The following EDIL3 variants were observed in gnomAD, a reference collection of about 807,000 sequenced individuals.
The protein encoded by EDIL3 is EGF like and discoidin domains 3.
EDIL3 carries 37 observed loss-of-function variants against 67.4 expected under a neutral mutation model. That is an observed-to-expected ratio of 0.55 (90% CI 0.42 to 0.72). EDIL3 has a LOEUF of 0.72. Ranked by LOEUF, EDIL3 falls within the 30% of genes least tolerant of loss-of-function variation. The pLI is 0.00. For synonymous variants in EDIL3, 195 were observed against 196.3 expected (o/e 0.99, Z 0.05); for missense variants, 527 against 586.3 (o/e 0.90, Z 1.04).
intron 9 of EDIL3, among the ~76,000 whole-genome samples, chr5:84,025,083 C>G (rs1745788015): frequency 6.6e-6 from 1 of 152,070 alleles, no homozygotes; most frequent in African/African-American, 2.4e-5. Context: ...GATTATGTCC[C>G]CACCCTTAAA....
At chr5:84,290,438 C>A (rs1157931719) in intron 1 of EDIL3, among the ~76,000 whole-genome samples, 1 of 152,166 alleles carries the variant, frequency 6.6e-6, no homozygotes, top group African/African-American at 2.4e-5. Context: ...ATCTCTAATA[C>A]TTGAGATACT....
intron 1 of EDIL3, among the ~76,000 whole-genome samples, chr5:84,281,733 A>G (rs6452564): frequency 0.61 from 92,007 of 151,960 alleles, 28,124 homozygotes; most frequent in East Asian, 0.82. Context: ...CAGGCAGTCC[A>G]AATACTTATT....
intron 1 of EDIL3, among the ~76,000 whole-genome samples, chr5:84,381,920 C>A (rs751732219): frequency 6.6e-6 from 1 of 152,058 alleles, no homozygotes; most frequent in Non-Finnish European, 1.5e-5. Flanking sequence ...AAATTGCAAC[C>A]CATACGTAGG....
At chr5:84,148,920 G>C (rs1329502214) in intron 4 of EDIL3, among the ~76,000 whole-genome samples, 1 of 150,304 alleles carries the variant, frequency 6.7e-6, no homozygotes, top group African/African-American at 2.4e-5. Context: ...CATAGTAAAA[G>C]GGACCAGAAT....
At position 84,014,673 on chromosome 5, in the gene EDIL3, G is replaced by A. The variant is rs551988200; in HGVS notation, c.1137+45627C>T. Among the ~76,000 whole-genome samples the A allele has an allele frequency of 3.3e-5, 5 of 151,256 alleles. No homozygotes were observed. In the South Asian group the frequency reaches 8.4e-4, roughly 25 times the overall value. Reference sequence around the variant, plus strand: ...AAACAAACAAACAAACAAACAAAAAGTCTTTGATCATATTTGTAACTAAAA... The same window carrying A: ...AAACAAACAAACAAACAAACAAAAAATCTTTGATCATATTTGTAACTAAAA... On this transcript the variant is annotated intron_variant, in intron 9 of 10. Coordinates refer to ENST00000296591, the MANE Select transcript of EDIL3 (RefSeq NM_005711.5).
intron 1 of EDIL3, among the ~76,000 whole-genome samples, chr5:84,374,670 G>C (rs1747929124): frequency 6.6e-6 from 1 of 152,174 alleles, no homozygotes; most frequent in Admixed American, 6.5e-5. Flanking sequence ...CCCATGTGTT[G>C]AGGGAGGGAC....
At chr5:84,366,121 T>C (rs1747728516) in intron 1 of EDIL3, among the ~76,000 whole-genome samples, 2 of 151,698 alleles carry the variant, frequency 1.3e-5, no homozygotes, top group Non-Finnish European at 1.5e-5. Flanking sequence ...TGCCAAAAAG[T>C]AAAAAAATAT....
At chr5:84,353,306 C>T (rs920063639) in intron 1 of EDIL3, among the ~76,000 whole-genome samples, 1 of 152,112 alleles carries the variant, frequency 6.6e-6, no homozygotes, top group African/African-American at 2.4e-5. Flanking sequence ...AGTATCAGCA[C>T]TGGCAGAAAG....
chr5:84,238,913 C>T (rs961142739), intron 2 of EDIL3, among the ~76,000 whole-genome samples: 1 of 151,980 alleles, frequency 6.6e-6, no homozygotes, highest in African/African-American at 2.4e-5. Flanking sequence ...TGGGCCCACA[C>T]CACATTTTTC....
chr5:84,384,049 T>C (rs1040535085), intron 1 of EDIL3, among the ~76,000 whole-genome samples: 6 of 152,066 alleles, frequency 3.9e-5, no homozygotes, highest in Non-Finnish European at 8.8e-5. Flanking sequence ...CGCTGTCTTC[T>C]ACCGCTCCCC....
At chr5:84,239,911 A>G (rs937492919) in intron 2 of EDIL3, among the ~76,000 whole-genome samples, 3 of 152,202 alleles carry the variant, frequency 2.0e-5, no homozygotes, top group Non-Finnish European at 4.4e-5. Context: ...GTCCAAAACT[A>G]GTGTCCATCC....
intron 6 of EDIL3, among the ~76,000 whole-genome samples, chr5:84,077,788 T>C (rs1746887596): frequency 6.6e-6 from 1 of 152,114 alleles, no homozygotes; most frequent in African/African-American, 2.4e-5. Flanking sequence ...TCTTTCTTCC[T>C]CTTCCCCTCC....
intron 1 of EDIL3, among the ~76,000 whole-genome samples, chr5:84,349,240 G>T (rs1467788440): frequency 6.6e-6 from 1 of 152,196 alleles, no homozygotes; most frequent in Non-Finnish European, 1.5e-5. Context: ...GGCTTGTGCT[G>T]TAGAAACTTC....
At chr5:84,065,785 A>C (rs192538686) in intron 7 of EDIL3, among the ~76,000 whole-genome samples, 1 of 152,150 alleles carries the variant, frequency 6.6e-6, no homozygotes, top group Non-Finnish European at 1.5e-5. Flanking sequence ...CTTTTAAGAA[A>C]ATAGTTTTCA....
chr5:84,092,254 T>C (rs1313954277), intron 6 of EDIL3, among the ~76,000 whole-genome samples: 1 of 152,214 alleles, frequency 6.6e-6, no homozygotes, highest in African/African-American at 2.4e-5. Flanking sequence ...TCCATTTCAC[T>C]GTACCATATC....
intron 9 of EDIL3, among the ~76,000 whole-genome samples, chr5:83,991,963 T>A (rs577408502): frequency 6.6e-6 from 1 of 152,266 alleles, no homozygotes; most frequent in East Asian, 1.9e-4. Context: ...CTGGAATCAA[T>A]CAGTTGGCCA....
At position 84,379,388 on chromosome 5, in the gene EDIL3, T is replaced by G. The variant is rs573884583; in HGVS notation, c.67+4920A>C. On this transcript the variant is annotated intron_variant, in intron 1 of 10. Coordinates refer to ENST00000296591, the MANE Select transcript of EDIL3 (RefSeq NM_005711.5). Reference sequence around the variant, plus strand: ...ATTTGTCTCTTTTGGCCACATGACTTGTTTTATGTAGAATCTTGCAAGATC... The same window carrying G: ...ATTTGTCTCTTTTGGCCACATGACTGGTTTTATGTAGAATCTTGCAAGATC... Among the ~76,000 whole-genome samples the G allele has an allele frequency of 4.6e-5, 7 of 152,304 alleles. No individual in the cohort carries two copies. In the East Asian group the frequency reaches 1.2e-3, roughly 25 times the overall value.
At chr5:84,313,646 G>A (rs1746450081) in intron 1 of EDIL3, among the ~76,000 whole-genome samples, 1 of 152,132 alleles carries the variant, frequency 6.6e-6, no homozygotes, top group South Asian at 2.1e-4. Context: ...AGACTACCTG[G>A]TAGATTTCAG....
rs558786527 is a variant in EDIL3, at chr5:84,311,340, AC to A, written c.68-57129del. ...TTTTTTTTTCTTTTTTTTTTTTTTT[AC>A]ATGCAGTATGATTTATTTTATATAA... On this transcript the variant is annotated intron_variant, in intron 1 of 10. Transcript: ENST00000296591. Among the ~76,000 whole-genome samples, 15 of 90,308 alleles carry A rather than the reference AC, an allele frequency of 1.7e-4. No homozygotes were observed. The South Asian group carries it at 4.6e-3, about 27-fold the overall frequency. The allele number at this position is 90,308 out of a possible 152,430, so 59.2% of individuals were successfully genotyped here. A position where few individuals can be genotyped will look rare whatever the true frequency, so the allele number is the denominator to read the frequency against.
Sources: allele counts gnomAD v4.1 joint callset (sites outside exome capture counted in the v4.1 genomes callset), GRCh38; gene constraint gnomAD v4.1.1; transcripts MANE v1.5; gene names NCBI Gene and HGNC (gene_info 2026-07-23, HGNC 2026-07-21).